Variants in PRUNE2 observed in about 807,000 individuals in gnomAD.
PRUNE2 encodes the protein protein prune homolog 2.
Under a neutral mutation model 252.0 loss-of-function variants are expected in PRUNE2, and 164 were observed. That is an observed-to-expected ratio of 0.65 (90% confidence interval 0.57 to 0.74). The LOEUF is 0.74. Among genes scored for constraint, PRUNE2 ranks in the 30% least tolerant of loss-of-function variants. PRUNE2 has a pLI of 0.00. For synonymous variants in PRUNE2, 1,292 were observed against 1,350.2 expected (o/e 0.96, Z 0.94); for missense variants, 3,495 against 3,711.0 (o/e 0.94, Z 1.51).
Position 76,799,530 on chromosome 9 carries a change from G to A in PRUNE2, c.756+24102C>T, listed in dbSNP as rs1443085838. On this transcript the variant is annotated intron_variant, in intron 6 of 18. Coordinates refer to ENST00000376718, the MANE Select transcript of PRUNE2 (RefSeq NM_015225.3). ...TGATGTTCAGGATGTGTGCATGGTG[G>A]GGGAAAGAGGCAGGATCATTTGTCC... 2.0e-5 allele frequency among the ~76,000 whole-genome samples: 3 copies of A among 152,112 alleles called. No homozygotes were observed. The East Asian group carries it at 5.8e-4, about 29-fold the overall frequency.
Position 76,710,577 on chromosome 9 carries a change from T to A in PRUNE2, c.1697A>T (p.His566Leu), listed in dbSNP as rs184556479. ...SGAGKDSLVE[H>L]DEEFVQRQDS... ...TTGTCTCTGGACAAACTCCTCATCA[T>A]GTTCCACAAGGCTATCTTTGCCAGC... The change falls in exon 8 of 19, where the codon CAT becomes CTT. Residue 566 changes from histidine to leucine, a missense_variant. His to Leu is a moderately conservative substitution (Grantham distance 99). Coordinates refer to ENST00000376718, the MANE Select transcript of PRUNE2 (RefSeq NM_015225.3). 5 of 1,613,920 alleles carry A rather than the reference T, an allele frequency of 3.1e-6. No homozygotes were observed. In the Admixed American group the frequency reaches 6.7e-5, roughly 22 times the overall value.
intron 5 of PRUNE2, among the ~76,000 whole-genome samples, chr9:76,825,931 T>G (rs767650460): frequency 1.3e-5 from 2 of 152,232 alleles, no homozygotes; most frequent in South Asian, 4.1e-4. Flanking sequence ...ATTAACTGAT[T>G]TATGAAATCC....
intron 6 of PRUNE2, among the ~76,000 whole-genome samples, chr9:76,812,809 G>A (rs565818939): frequency 4.6e-5 from 7 of 152,266 alleles, no homozygotes; most frequent in African/African-American, 1.2e-4. Flanking sequence ...GTCTAATTTC[G>A]CAGTGCTGTG....
chr9:76,888,282 A>G (rs1373444507), intron 1 of PRUNE2, among the ~76,000 whole-genome samples: 1 of 152,216 alleles, frequency 6.6e-6, no homozygotes. Flanking sequence ...GAAACATTTT[A>G]AATAATTTAG....
chr9:76,641,131 C>T (rs1008724855), intron 12 of PRUNE2, among the ~76,000 whole-genome samples: 4 of 152,092 alleles, frequency 2.6e-5, no homozygotes, highest in Non-Finnish European at 4.4e-5. Context: ...AGGAATACTA[C>T]GGGATCAACC....
At chr9:76,807,045 TGTGTGTGCGCGCGCGC>T (rs1226786734) in intron 6 of PRUNE2, among the ~76,000 whole-genome samples, 110 of 147,464 alleles carry the variant, frequency 7.5e-4, no homozygotes, top group Non-Finnish European at 1.2e-3. Context: ...TGTGTGTGTG[TGTGTGTGCGCGCGCGC>T]GTGTGTCTGT....
chr9:76,837,829 T>C (rs990195320), intron 4 of PRUNE2, among the ~76,000 whole-genome samples: 30 of 150,536 alleles, frequency 2.0e-4, no homozygotes, highest in Non-Finnish European at 4.0e-4. Flanking sequence ...TGGAGTGCAG[T>C]GGCGCAATCT....
chr9:76,837,826 C>T (rs1296425386), intron 4 of PRUNE2, among the ~76,000 whole-genome samples: 5 of 148,542 alleles, frequency 3.4e-5, no homozygotes, highest in East Asian at 2.0e-4. Flanking sequence ...GGCTGGAGTG[C>T]AGTGGCGCAA....
chr9:76,696,110 C>T (rs1250850495), intron 9 of PRUNE2, among the ~76,000 whole-genome samples: 1 of 152,096 alleles, frequency 6.6e-6, no homozygotes, highest in Non-Finnish European at 1.5e-5. Context: ...AAAATGTCTC[C>T]GACGTCAGCA....
intron 6 of PRUNE2, among the ~76,000 whole-genome samples, chr9:76,757,441 G>A (rs537477564): frequency 1.7e-4 from 26 of 152,178 alleles, no homozygotes; most frequent in African/African-American, 5.1e-4. Context: ...CTTTTTACTC[G>A]TATGTAAATG....
chr9:76,882,587 G>A (rs569151527), intron 1 of PRUNE2, among the ~76,000 whole-genome samples: 2 of 152,298 alleles, frequency 1.3e-5, no homozygotes, highest in East Asian at 1.9e-4. Flanking sequence ...AAAGCGGGGA[G>A]CAAAGCGTCT....
At chr9:76,763,808 G>A (rs2052013954) in intron 6 of PRUNE2, among the ~76,000 whole-genome samples, 1 of 151,100 alleles carries the variant, frequency 6.6e-6, no homozygotes, top group South Asian at 2.1e-4. Flanking sequence ...GGGGAAGCAT[G>A]GGGAAGAGGG....
chr9:76,824,452 T>C (rs1247368916), intron 5 of PRUNE2, among the ~76,000 whole-genome samples: 1 of 152,210 alleles, frequency 6.6e-6, no homozygotes, highest in Non-Finnish European at 1.5e-5. Context: ...CGTAAGACTA[T>C]CTTAATTAAG....
chr9:76,704,690 G>T, intron 8 of PRUNE2, 71 bp downstream of exon 8: 1 of 1,062,368 alleles, frequency 9.4e-7, no homozygotes, highest in Non-Finnish European at 1.4e-6. Flanking sequence ...GGAAGAGTGT[G>T]TCTTACAAAT....
At chr9:76,857,221 C>T (rs1004769139) in intron 1 of PRUNE2, 1 of 441,656 alleles carries the variant, frequency 2.3e-6, no homozygotes, top group Admixed American at 2.5e-5. Flanking sequence ...CCCTCCACCC[C>T]CATCCATCAA....
intron 9 of PRUNE2, among the ~76,000 whole-genome samples, chr9:76,684,892 C>T (rs754716945): frequency 3.3e-5 from 5 of 152,188 alleles, no homozygotes; most frequent in Non-Finnish European, 7.3e-5. Context: ...GCTGGGATTA[C>T]AGGAGTGCAC....
chr9:76,634,678 C>A (rs1051072036), intron 15 of PRUNE2, among the ~76,000 whole-genome samples: 5 of 152,166 alleles, frequency 3.3e-5, no homozygotes, highest in African/African-American at 1.2e-4. Flanking sequence ...GCTCTCTGAA[C>A]CTCTCCTGGT....
intron 9 of PRUNE2, among the ~76,000 whole-genome samples, chr9:76,700,025 A>G (rs1283735189): frequency 6.6e-6 from 1 of 152,230 alleles, no homozygotes; most frequent in Non-Finnish European, 1.5e-5. Flanking sequence ...AGGATTCTGG[A>G]AAGATTGATC....
chr9:76,619,858 G>A (rs1383991591), intron 17 of PRUNE2, among the ~76,000 whole-genome samples: 3 of 152,296 alleles, frequency 2.0e-5, no homozygotes, highest in African/African-American at 7.2e-5. Flanking sequence ...CCTCATTGTT[G>A]TTGTTACAGA....
Sources: allele counts gnomAD v4.1 joint callset (sites outside exome capture counted in the v4.1 genomes callset), GRCh38; gene constraint gnomAD v4.1.1; transcripts MANE v1.5; gene names NCBI Gene and HGNC (gene_info 2026-07-23, HGNC 2026-07-21).